Variants in ACVR1B observed in about 807,000 individuals in gnomAD.
ACVR1B encodes the protein activin A receptor type 1B, also known as activin receptor type-1B.
Under a neutral mutation model 55.6 loss-of-function variants are expected in ACVR1B, and 15 were observed. The ratio of observed to expected loss-of-function variants is 0.27; its 90% CI spans 0.18 to 0.42. The LOEUF is 0.42. Among genes scored for constraint, ACVR1B ranks in the 10% least tolerant of loss-of-function variants. The probability of loss-of-function intolerance (pLI) is 1.00; values close to 1 mark genes in which losing one functional copy is unlikely to be tolerated. For synonymous variants in ACVR1B, 247 were observed against 254.6 expected, an observed-to-expected ratio of 0.97 and a Z score of 0.28; for missense variants, 359 against 670.1, an observed-to-expected ratio of 0.54 and a Z score of 5.13.
chr12:51,981,335 ATGCTTT>A, intron 4 of ACVR1B, 136 bp downstream of exon 4: 1 of 695,012 alleles, frequency 1.4e-6, no homozygotes. Flanking sequence ...CAAGGTTTCC[ATGCTTT>A]CCTTAAAGTG....
chr12:51,959,590 G>A (rs992753619), intron 1 of ACVR1B, among the ~76,000 whole-genome samples: 5 of 152,242 alleles, frequency 3.3e-5, no homozygotes, highest in Non-Finnish European at 7.3e-5. Context: ...CTGTGAAATA[G>A]TAACTAGGTG....
intron 3 of ACVR1B, among the ~76,000 whole-genome samples, chr12:51,980,703 C>G (rs569207822): frequency 1.2e-4 from 18 of 152,318 alleles, no homozygotes; most frequent in African/African-American, 4.1e-4. Context: ...TCCGTGCTTA[C>G]TGAGAGGAGA....
chr12:51,982,708 G>C, intron 4 of ACVR1B: 1 of 1,532,878 alleles, frequency 6.5e-7, no homozygotes. Flanking sequence ...TCCTCACATT[G>C]CCATGGGAAG....
intron 1 of ACVR1B, among the ~76,000 whole-genome samples, chr12:51,965,170 T>C (rs1482513419): frequency 2.0e-5 from 3 of 152,194 alleles, no homozygotes; most frequent in East Asian, 1.9e-4. Flanking sequence ...AAAAATAGTA[T>C]GCCTAAGAAA....
chr12:51,959,069 A>C (rs1941465954), intron 1 of ACVR1B, among the ~76,000 whole-genome samples: 1 of 152,196 alleles, frequency 6.6e-6, no homozygotes. Context: ...ATAAAATGTA[A>C]AGCAGTTGTG....
chr12:51,951,988 A>G (rs1941306503), intron 1 of ACVR1B, among the ~76,000 whole-genome samples, 154 bp downstream of exon 1: 2 of 151,636 alleles, frequency 1.3e-5, no homozygotes, highest in East Asian at 2.0e-4. Flanking sequence ...ACCCCCAGTC[A>G]GCTTCCCCGA....
At chr12:51,954,979 C>T (rs1055500968) in intron 1 of ACVR1B, among the ~76,000 whole-genome samples, 1 of 152,128 alleles carries the variant, frequency 6.6e-6, no homozygotes, top group African/African-American at 2.4e-5. Flanking sequence ...TTCAGATTTC[C>T]TCAAGTTAAT....
At chr12:51,953,572 C>G (rs1941352958) in intron 1 of ACVR1B, 1 of 799,554 alleles carries the variant, frequency 1.3e-6, no homozygotes, top group Non-Finnish European at 1.5e-6. Flanking sequence ...GAATGTGTAA[C>G]ATAATGTTCT....
At chr12:51,964,944 A>C (rs1348764366) in intron 1 of ACVR1B, among the ~76,000 whole-genome samples, 8 of 151,714 alleles carry the variant, frequency 5.3e-5, no homozygotes, top group African/African-American at 1.5e-4. Flanking sequence ...ATTCAGGGTC[A>C]CTTGCAATTC....
chr12:51,980,959 T>G lies in ACVR1B; in HGVS notation c.581-10T>G. The G allele has an allele frequency of 6.3e-7, 1 of 1,576,514 alleles. No individual in the cohort carries two copies. The highest frequency in any genetic ancestry group is 8.6e-7 in the Non-Finnish European group (1 of 1,160,588). On this transcript the variant is annotated splice_polypyrimidine_tract_variant and intron_variant, in intron 3 of 8. Coordinates refer to ENST00000257963, the MANE Select transcript of ACVR1B (RefSeq NM_004302.5). ...CAATGTCAGGTTTCTTCCTATTCTT[T>G]GGTTCACAGGGTTACCCCTCTTTGT...
chr12:51,973,120 CTG>C (rs763306422), intron 1 of ACVR1B, among the ~76,000 whole-genome samples: 27 of 152,168 alleles, frequency 1.8e-4, no homozygotes, highest in Admixed American at 5.9e-4. Flanking sequence ...GAATGAATCA[CTG>C]TGAAAGAGGT....
intron 2 of ACVR1B, 53 bp downstream of exon 2, chr12:51,975,557 C>T (rs548643305): frequency 1.6e-5 from 25 of 1,578,498 alleles, no homozygotes; most frequent in Middle Eastern, 1.7e-4. Flanking sequence ...TAGGGTACCC[C>T]GTCATTTCAT....
intron 3 of ACVR1B, among the ~76,000 whole-genome samples, chr12:51,980,394 C>T (rs1290323560): frequency 1.3e-5 from 2 of 152,132 alleles, no homozygotes; most frequent in African/African-American, 2.4e-5. Context: ...TTTATAAAGA[C>T]AGTAAAGTTA....
At chr12:51,952,816 G>A (rs1417250223) in intron 1 of ACVR1B, among the ~76,000 whole-genome samples, 2 of 30,708 alleles carry the variant, frequency 6.5e-5, no homozygotes, top group African/African-American at 2.5e-4. Context: ...TTCCCAGCCC[G>A]CCCACCCTCA....
intron 1 of ACVR1B, among the ~76,000 whole-genome samples, chr12:51,956,703 C>T (rs1044416318): frequency 5.3e-5 from 8 of 152,212 alleles, no homozygotes; most frequent in African/African-American, 1.7e-4. Flanking sequence ...GGCTAGGTTC[C>T]TGCGAGCCTC....
chr12:51,980,873 C>G lies in ACVR1B; in HGVS notation c.581-96C>G, dbSNP rs144805717. The G allele has an allele frequency of 1.2e-3, 1,165 of 987,584 alleles. 6 individuals carry two copies. The African/African-American group carries it at 0.016, about 13-fold the overall frequency. The allele number at this position is 987,584 out of a possible 1,614,324, so 61.2% of individuals were successfully genotyped here. The stretch of plus-strand genomic sequence containing the variant: ...AATGGACAGCGTAGGATGAAGACAC[C>G]ATGTTAAGGGTGTTTCCGTTGTGCC... On this transcript the variant is annotated intron_variant, in intron 3 of 8. Transcript: ENST00000257963.
chr12:51,954,994 GTC>G (rs1941380395), intron 1 of ACVR1B, among the ~76,000 whole-genome samples: 1 of 152,120 alleles, frequency 6.6e-6, no homozygotes, highest in African/African-American at 2.4e-5. Flanking sequence ...GTTAATTTCT[GTC>G]TCTGGCAGGC....
In ACVR1B at chr12:51,975,326, C is replaced by T. The variant is rs143486670; in HGVS notation, c.153C>T (p.Ala51=). The change falls in exon 2 of 9, where the codon GCC becomes GCT. Residue 51 remains alanine, a synonymous_variant. Transcript: ENST00000257963. ...ACTACACGTGTGAGACAGATGGGGC[C>T]TGCATGGTTTCCATTTTCAATCTGG... ...QANYTCETDG[A]CMVSIFNLDG... The T allele has an allele frequency of 3.5e-5, 56 of 1,614,158 alleles. No homozygotes were observed. In the African/African-American group the frequency reaches 6.9e-4, roughly 20 times the overall value.
chr12:51,982,702 C>T (rs533142333), intron 4 of ACVR1B: 118 of 1,531,924 alleles, frequency 7.7e-5, no homozygotes, highest in Non-Finnish European at 9.6e-5. Flanking sequence ...GCTCATTCCT[C>T]ACATTGCCAT....
Sources: gnomAD v4.1 joint callset for allele counts (sites outside exome capture counted in the v4.1 genomes callset) on GRCh38, gnomAD v4.1.1 for gene constraint, MANE v1.5 for transcripts, NCBI Gene and HGNC (gene_info 2026-07-23, HGNC 2026-07-21) for gene names.